Variants in ARMH4 observed in about 807,000 individuals in gnomAD.
ARMH4 encodes armadillo-like helical domain-containing protein 4.
A neutral mutation model predicts 61.9 loss-of-function variants in ARMH4; 49 were observed. The ratio of observed to expected loss-of-function variants is 0.79; its 90% CI spans 0.63 to 1.00. ARMH4 has a LOEUF of 1.00. Among genes scored for constraint, ARMH4 ranks in the 50% least tolerant of loss-of-function variants. ARMH4 has a pLI of 0.00. For synonymous variants in ARMH4, 368 were observed against 341.5 expected (o/e 1.08, Z -0.85); for missense variants, 934 against 930.0 (o/e 1.00, Z -0.06).
rs562661904 is a variant in ARMH4, at chr14:58,032,688, T to G, written c.2090-20538A>C. 3.3e-4 allele frequency among the ~76,000 whole-genome samples: 50 copies of G among 151,800 alleles called. 1 individual carries two copies. In the South Asian group the frequency reaches 6.7e-3, roughly 20 times the overall value. On this transcript the variant is annotated intron_variant, in intron 5 of 7. Coordinates refer to ENST00000267485, the MANE Select transcript of ARMH4 (RefSeq NM_001001872.4). Reference sequence around the variant, plus strand: ...GCCAGACAGTGGGCGCAGGCCAGTGTGTGCGCGCACCGTGCGCGAGCCGAA... The same window carrying G: ...GCCAGACAGTGGGCGCAGGCCAGTGGGTGCGCGCACCGTGCGCGAGCCGAA...
At chr14:58,137,230 C>G (rs930257713) in intron 2 of ARMH4, among the ~76,000 whole-genome samples, 2 of 152,104 alleles carry the variant, frequency 1.3e-5, no homozygotes, top group Non-Finnish European at 2.9e-5. Flanking sequence ...GGCTGTCCTA[C>G]GTAGTCTAAG....
Position 58,125,869 on chromosome 14 carries a change from C to A in ARMH4, c.1831+5643G>T, listed in dbSNP as rs1886879842. 2.0e-5 allele frequency among the ~76,000 whole-genome samples: 3 copies of A among 152,170 alleles called. No homozygotes were observed. The South Asian group carries it at 6.2e-4, about 31-fold the overall frequency. On this transcript the variant is annotated intron_variant, in intron 4 of 7. Transcript: ENST00000267485. Reference sequence around the variant, plus strand: ...CTAGGCCGATTAAGAATCCCTAAGCCTAGCTGGGAAGGTGACCACGTCCAC... The same window carrying A: ...CTAGGCCGATTAAGAATCCCTAAGCATAGCTGGGAAGGTGACCACGTCCAC...
intron 5 of ARMH4, among the ~76,000 whole-genome samples, chr14:58,096,147 T>C (rs908445384): frequency 3.3e-5 from 5 of 152,266 alleles, no homozygotes; most frequent in African/African-American, 1.2e-4. Flanking sequence ...CCACCCTAGC[T>C]GCTGAAATGA....
chr14:58,023,007 C>T (rs948160120), intron 5 of ARMH4, among the ~76,000 whole-genome samples: 4 of 152,084 alleles, frequency 2.6e-5, no homozygotes, highest in Non-Finnish European at 5.9e-5. Context: ...TACTTTATTA[C>T]CAAAAAATGC....
In ARMH4 at chr14:58,131,619, G is replaced by A. The variant is rs145807752; in HGVS notation, c.1724C>T (p.Pro575Leu). The change falls in exon 4 of 8, where the codon CCT becomes CTT. Residue 575 changes from proline (P) to leucine (L), a missense_variant. Transcript: ENST00000267485. ...GIMVGEPSIS[P>L]ALPALEASSE... ...GGATGCCTCCAAAGCAGGAAGTGCA[G>A]GGGAAATGCTGGGTTCCCCCACCAT... 6.2e-7 allele frequency: 1 copy of A among 1,614,168 alleles called. No homozygotes were observed. Among genetic ancestry groups the A allele is most frequent in the Non-Finnish European group, 8.5e-7 (1 of 1,180,016 alleles).
At chr14:58,022,305 C>T (rs939558981) in intron 5 of ARMH4, among the ~76,000 whole-genome samples, 1 of 151,816 alleles carries the variant, frequency 6.6e-6, no homozygotes, top group Non-Finnish European at 1.5e-5. Context: ...TCTAACCCTC[C>T]TAATTCTCTC....
Position 58,089,107 on chromosome 14 carries a change from T to C in ARMH4, c.2089+7617A>G, listed in dbSNP as rs543685191. On this transcript the variant is annotated intron_variant, in intron 5 of 7. Coordinates refer to ENST00000267485, the MANE Select transcript of ARMH4 (RefSeq NM_001001872.4). ...CTTTAGCCAATCTACCATCTCTCTT[T>C]GTGCTGGTTACATTGGGCTGAGGTT... Among the ~76,000 whole-genome samples, 14 of 152,332 alleles carry C rather than the reference T, an allele frequency of 9.2e-5. No homozygotes were observed. The East Asian group carries it at 2.7e-3, about 29-fold the overall frequency.
At chr14:58,116,982 C>T (rs994072348) in intron 4 of ARMH4, among the ~76,000 whole-genome samples, 3 of 152,162 alleles carry the variant, frequency 2.0e-5, no homozygotes, top group Admixed American at 6.5e-5. Context: ...GACAGAGTTT[C>T]GCTCTGTCAC....
intron 5 of ARMH4, among the ~76,000 whole-genome samples, chr14:58,074,371 G>A (rs1489062593): frequency 6.6e-6 from 1 of 151,710 alleles, no homozygotes; most frequent in East Asian, 1.9e-4. Context: ...GTAATCTACT[G>A]TTAAACTATT....
intron 5 of ARMH4, among the ~76,000 whole-genome samples, chr14:58,043,502 T>C (rs1182871924): frequency 1.3e-5 from 2 of 152,198 alleles, no homozygotes; most frequent in African/African-American, 4.8e-5. Flanking sequence ...AATATCATAC[T>C]GAATGGGCAA....
At chr14:58,023,276 C>T (rs532540067) in intron 5 of ARMH4, among the ~76,000 whole-genome samples, 79 of 152,310 alleles carry the variant, frequency 5.2e-4, no homozygotes, top group African/African-American at 1.8e-3. Flanking sequence ...TCCTCTCAAA[C>T]CCTGCCACTG....
At chr14:58,136,179 G>C (rs1354228395) in intron 2 of ARMH4, among the ~76,000 whole-genome samples, 1 of 152,140 alleles carries the variant, frequency 6.6e-6, no homozygotes, top group Non-Finnish European at 1.5e-5. Context: ...CCTTTTAAAA[G>C]ATTATAATTT....
intron 4 of ARMH4, among the ~76,000 whole-genome samples, chr14:58,120,771 T>A (rs1474037144): frequency 6.6e-6 from 1 of 152,178 alleles, no homozygotes; most frequent in African/African-American, 2.4e-5. Flanking sequence ...TTAATCTCTT[T>A]AGGATTGGGA....
chr14:58,087,120 G>A (rs1885409654), intron 5 of ARMH4, among the ~76,000 whole-genome samples: 1 of 152,136 alleles, frequency 6.6e-6, no homozygotes, highest in South Asian at 2.1e-4. Context: ...TTAAATCTCT[G>A]ATTCCTTGTT....
At chr14:58,113,315 T>C (rs1207628780) in intron 4 of ARMH4, among the ~76,000 whole-genome samples, 2 of 152,212 alleles carry the variant, frequency 1.3e-5, no homozygotes, top group African/African-American at 2.4e-5. Context: ...TTTAGCACCA[T>C]GTAGTTTTCC....
chr14:58,049,345 A>G (rs1884059312), intron 5 of ARMH4, among the ~76,000 whole-genome samples: 1 of 152,204 alleles, frequency 6.6e-6, no homozygotes, highest in African/African-American at 2.4e-5. Context: ...TGTCATAATC[A>G]TAGATTCTCA....
chr14:58,032,183 G>A (rs1200676223), intron 5 of ARMH4, among the ~76,000 whole-genome samples: 1 of 152,172 alleles, frequency 6.6e-6, no homozygotes, highest in Non-Finnish European at 1.5e-5. Context: ...GAACCCAGAT[G>A]AGACTTATGT....
At chr14:58,065,349 C>T (rs1884670816) in intron 5 of ARMH4, among the ~76,000 whole-genome samples, 1 of 152,222 alleles carries the variant, frequency 6.6e-6, no homozygotes, top group African/African-American at 2.4e-5. Context: ...TCAAATCAGA[C>T]ATGGAGGCTA....
intron 6 of ARMH4, among the ~76,000 whole-genome samples, chr14:58,011,725 A>G (rs1882413282): frequency 6.6e-6 from 1 of 151,226 alleles, no homozygotes; most frequent in African/African-American, 2.4e-5. Context: ...ACTAAGTGGC[A>G]GCACTGTGAT....
Sources: gnomAD v4.1 joint callset for allele counts (sites outside exome capture counted in the v4.1 genomes callset) on GRCh38, gnomAD v4.1.1 for gene constraint, MANE v1.5 for transcripts, NCBI Gene and HGNC (gene_info 2026-07-23, HGNC 2026-07-21) for gene names.